Variants in GPC5 observed in about 807,000 individuals in gnomAD.
GPC5 encodes glypican 5, also known as glypican-5.
In GPC5, 47 loss-of-function variants were observed where a neutral mutation model predicts 53.9. That is an observed-to-expected ratio of 0.87 (90% CI 0.69 to 1.11). The LOEUF (loss-of-function observed/expected upper bound fraction) is 1.11, where lower values mean the gene tolerates loss of function less well. Ranked by LOEUF, GPC5 falls within the 50% of genes most tolerant of loss-of-function variation. GPC5 has a pLI of 0.00. For missense variants in GPC5, 748 were observed against 713.1 expected (o/e 1.05, Z -0.56); for synonymous variants, 286 against 263.3 (o/e 1.09, Z -0.84).
chr13:92,142,394 G>GT (rs2041838223), intron 6 of GPC5, among the ~76,000 whole-genome samples: 1 of 152,072 alleles, frequency 6.6e-6, no homozygotes, highest in African/African-American at 2.4e-5. Context: ...CCATTTTGCT[G>GT]TTCTCCTTAG....
chr13:91,876,428 CTGAGG>C (rs2039202492), intron 5 of GPC5, among the ~76,000 whole-genome samples: 1 of 152,110 alleles, frequency 6.6e-6, no homozygotes, highest in African/African-American at 2.4e-5. Flanking sequence ...AAAATCCAGG[CTGAGG>C]TGGTCTCAGA....
chr13:91,939,058 A>G (rs2039899852), intron 6 of GPC5, among the ~76,000 whole-genome samples: 1 of 152,084 alleles, frequency 6.6e-6, no homozygotes, highest in Non-Finnish European at 1.5e-5. Flanking sequence ...TATTACTACT[A>G]GAAAAATCCC....
chr13:92,553,704 A>G (rs1204156515), intron 7 of GPC5, among the ~76,000 whole-genome samples: 2 of 151,936 alleles, frequency 1.3e-5, no homozygotes, highest in Non-Finnish European at 2.9e-5. Flanking sequence ...GCTCTTTATC[A>G]GTTGACAACT....
At chr13:91,472,588 C>T (rs1352769445) in intron 2 of GPC5, among the ~76,000 whole-genome samples, 1 of 152,130 alleles carries the variant, frequency 6.6e-6, no homozygotes, top group Admixed American at 6.6e-5. Flanking sequence ...TATTTGGGAA[C>T]CCAATTTTTT....
intron 2 of GPC5, among the ~76,000 whole-genome samples, chr13:91,641,933 G>C (rs2034440694): frequency 6.6e-6 from 1 of 152,214 alleles, no homozygotes; most frequent in Admixed American, 6.5e-5. Flanking sequence ...ATATATTGCA[G>C]AGAGTGAATA....
At chr13:91,665,011 T>C (rs1003417964) in intron 2 of GPC5, among the ~76,000 whole-genome samples, 1 of 152,206 alleles carries the variant, frequency 6.6e-6, no homozygotes, top group Admixed American at 6.5e-5. Context: ...TTAAAGGAAA[T>C]TATTCTCATT....
chr13:92,669,118 AC>A (rs1295079674), intron 7 of GPC5, among the ~76,000 whole-genome samples: 1 of 152,138 alleles, frequency 6.6e-6, no homozygotes, highest in East Asian at 1.9e-4. Flanking sequence ...TAATGTTCTA[AC>A]TTTAATCACA....
intron 7 of GPC5, among the ~76,000 whole-genome samples, chr13:92,784,790 C>T (rs554594981): frequency 6.6e-6 from 1 of 152,310 alleles, no homozygotes; most frequent in South Asian, 2.1e-4. Context: ...ATCAGGTTAT[C>T]TTCCGATTAA....
chr13:91,550,111 G>GT (rs1310298985), intron 2 of GPC5, among the ~76,000 whole-genome samples: 1 of 152,000 alleles, frequency 6.6e-6, no homozygotes, highest in Non-Finnish European at 1.5e-5. Context: ...ACTTCAATGT[G>GT]TTTTACTACA....
At chr13:92,012,659 G>T (rs1314175951) in intron 6 of GPC5, among the ~76,000 whole-genome samples, 3 of 152,080 alleles carry the variant, frequency 2.0e-5, no homozygotes, top group Admixed American at 6.5e-5. Context: ...GGGTTGTTTT[G>T]TCTGATACTG....
At chr13:91,728,475 T>C (rs140347920) in intron 3 of GPC5, 57 bp from the exon 4 acceptor site, 128 of 1,544,764 alleles carry the variant, frequency 8.3e-5, no homozygotes, top group Admixed American at 5.1e-4. Flanking sequence ...AAACATCACA[T>C]TCTCAGAAAG....
intron 7 of GPC5, among the ~76,000 whole-genome samples, chr13:92,760,608 CT>C (rs1875126844): frequency 6.6e-6 from 1 of 151,130 alleles, no homozygotes; most frequent in African/African-American, 2.4e-5. Flanking sequence ...CAAAAACCAT[CT>C]GTTCTATTGA....
At chr13:91,575,743 T>TG (rs938084050) in intron 2 of GPC5, among the ~76,000 whole-genome samples, 25 of 152,138 alleles carry the variant, frequency 1.6e-4, no homozygotes, top group African/African-American at 6.0e-4. Context: ...GGCTACAAGA[T>TG]GAGAAAATTG....
intron 1 of GPC5, among the ~76,000 whole-genome samples, chr13:91,421,286 A>G (rs1487897058): frequency 6.6e-6 from 1 of 152,164 alleles, no homozygotes; most frequent in African/African-American, 2.4e-5. Context: ...CCTCACAGTT[A>G]TTTTGGGATG....
intron 7 of GPC5, among the ~76,000 whole-genome samples, chr13:92,770,520 T>C (rs927034252): frequency 6.6e-6 from 1 of 152,070 alleles, no homozygotes; most frequent in African/African-American, 2.4e-5. Flanking sequence ...ATGTCTTATA[T>C]CTCTTAGCTG....
At chr13:91,888,652 T>C (rs2039352295) in intron 5 of GPC5, among the ~76,000 whole-genome samples, 1 of 152,068 alleles carries the variant, frequency 6.6e-6, no homozygotes, top group Non-Finnish European at 1.5e-5. Flanking sequence ...TGAGTGCTGG[T>C]TTACAGATTA....
intron 7 of GPC5, among the ~76,000 whole-genome samples, chr13:92,825,149 C>T (rs1302177696): frequency 6.6e-6 from 1 of 151,988 alleles, no homozygotes; most frequent in South Asian, 2.1e-4. Context: ...CTGGGAAGAC[C>T]CCTTCTCCAG....
chr13:92,384,402 A>G (rs1315025633), intron 7 of GPC5, among the ~76,000 whole-genome samples: 1 of 152,156 alleles, frequency 6.6e-6, no homozygotes, highest in Admixed American at 6.6e-5. Context: ...GCTATGTTGG[A>G]CAAAAATTCA....
intron 7 of GPC5, among the ~76,000 whole-genome samples, chr13:92,274,826 G>A (rs1479797346): frequency 6.6e-6 from 1 of 152,094 alleles, no homozygotes; most frequent in African/African-American, 2.4e-5. Context: ...GCATTCTGTT[G>A]ATTAGAAGAA....
Sources: allele counts gnomAD v4.1 joint callset (sites outside exome capture counted in the v4.1 genomes callset), GRCh38; gene constraint gnomAD v4.1.1; transcripts MANE v1.5; gene names NCBI Gene and HGNC (gene_info 2026-07-23, HGNC 2026-07-21).